The following PCDH15 variants were observed in gnomAD, a reference collection of about 807,000 sequenced individuals.
PCDH15 encodes protocadherin-15.
A neutral mutation model predicts 178.5 loss-of-function variants in PCDH15; 129 were observed. That is an observed-to-expected ratio of 0.72 (90% confidence interval 0.63 to 0.84). The LOEUF is 0.84. Among genes scored for constraint, PCDH15 ranks in the 40% least tolerant of loss-of-function variants. PCDH15 has a pLI of 0.00. For missense variants in PCDH15, 2,230 were observed against 2,099.9 expected (o/e 1.06, Z -1.21); for synonymous variants, 800 against 732.0 (o/e 1.09, Z -1.50).
chr10:53,931,824 T>C (rs2085088549), intron 25 of PCDH15, among the ~76,000 whole-genome samples: 1 of 152,202 alleles, frequency 6.6e-6, no homozygotes, highest in South Asian at 2.1e-4. Flanking sequence ...AGGTAAAATG[T>C]CCTTCCCCAG....
At chr10:54,962,087 G>A (rs143726303) in intron 2 of PCDH15, among the ~76,000 whole-genome samples, 1 of 152,244 alleles carries the variant, frequency 6.6e-6, no homozygotes, top group African/African-American at 2.4e-5. Flanking sequence ...CTTCCTGGAT[G>A]TGGGACAAGA....
intron 1 of PCDH15, among the ~76,000 whole-genome samples, chr10:54,696,272 T>C (rs1464700811): frequency 1.3e-5 from 2 of 152,058 alleles, no homozygotes; most frequent in Middle Eastern, 3.2e-3. Context: ...CCTACAGATG[T>C]GGTAGAAATT....
intron 2 of PCDH15, among the ~76,000 whole-genome samples, chr10:55,607,742 C>A (rs1437133570): frequency 9.1e-6 from 1 of 110,396 alleles, no homozygotes; most frequent in Non-Finnish European, 1.7e-5. Context: ...ACTCTGGGGA[C>A]TGTTGTGGGG....
intron 2 of PCDH15, among the ~76,000 whole-genome samples, chr10:55,532,525 T>G (rs1841477296): frequency 6.6e-6 from 1 of 152,082 alleles, no homozygotes; most frequent in South Asian, 2.1e-4. Flanking sequence ...TTGTTGAACT[T>G]AGAAACTAGT....
chr10:54,514,562 C>A (rs142779882), intron 3 of PCDH15, among the ~76,000 whole-genome samples: 2 of 142,480 alleles, frequency 1.4e-5, no homozygotes, highest in Non-Finnish European at 3.0e-5. Context: ...AAAGTATGAA[C>A]AAGTATGAAT....
chr10:54,728,508 ATTC>A (rs1220461481), intron 1 of PCDH15, among the ~76,000 whole-genome samples: 3 of 151,376 alleles, frequency 2.0e-5, no homozygotes, highest in Non-Finnish European at 4.4e-5. Flanking sequence ...TGCTGGAAGA[ATTC>A]TTCTTGAGAA....
rs1324465000 is a variant in PCDH15 at position 54,637,816 on chromosome 10, A to G, written c.91+26356T>C. The stretch of plus-strand genomic sequence containing the variant: ...TTATCCAGTGTTTTTAATGAGCTCA[A>G]TAAATATGGTATTTATCAATCTGAA... On this transcript the variant is annotated intron_variant, in intron 2 of 37. Transcript: ENST00000644397. Among the ~76,000 whole-genome samples, 4 of 152,056 alleles carry G rather than the reference A, an allele frequency of 2.6e-5. No homozygotes were observed. The South Asian group carries it at 6.2e-4, about 24-fold the overall frequency.
At chr10:54,071,911 ATG>A (rs2094250825) in intron 17 of PCDH15, among the ~76,000 whole-genome samples, 1 of 152,146 alleles carries the variant, frequency 6.6e-6, no homozygotes, top group African/African-American at 2.4e-5. Context: ...TTATTAAGAA[ATG>A]TGTCTAACGT....
chr10:53,839,126 C>G (rs2077484663), intron 29 of PCDH15, among the ~76,000 whole-genome samples: 1 of 147,514 alleles, frequency 6.8e-6, no homozygotes. Context: ...ATGGCGTGAA[C>G]CCGGGAGGTG....
intron 6 of PCDH15, among the ~76,000 whole-genome samples, chr10:54,345,025 G>C (rs941314718): frequency 2.0e-5 from 3 of 147,496 alleles, no homozygotes; most frequent in African/African-American, 7.5e-5. Flanking sequence ...TTTTAACACA[G>C]CCAGTACAAG....
intron 8 of PCDH15, among the ~76,000 whole-genome samples, chr10:54,263,583 A>G (rs920749800): frequency 6.6e-6 from 1 of 152,164 alleles, no homozygotes; most frequent in Non-Finnish European, 1.5e-5. Context: ...ATAAAAATAC[A>G]TTGCTAAAAC....
intron 2 of PCDH15, among the ~76,000 whole-genome samples, chr10:55,408,768 C>T (rs891500076): frequency 6.6e-6 from 1 of 152,024 alleles, no homozygotes; most frequent in Non-Finnish European, 1.5e-5. Context: ...CGTCTAGTCT[C>T]ATTCCCTCTT....
At chr10:54,071,092 T>C (rs2094233335) in intron 17 of PCDH15, among the ~76,000 whole-genome samples, 1 of 152,150 alleles carries the variant, frequency 6.6e-6, no homozygotes, top group Admixed American at 6.6e-5. Context: ...GGCAAAATAA[T>C]TAACTAATTT....
chr10:54,624,605 TG>T (rs1238053203), intron 2 of PCDH15, among the ~76,000 whole-genome samples: 1 of 152,198 alleles, frequency 6.6e-6, no homozygotes, highest in East Asian at 1.9e-4. Context: ...TGGACCAGTA[TG>T]GGTCTGTGGC....
chr10:54,715,460 T>G (rs1220353039), intron 1 of PCDH15, among the ~76,000 whole-genome samples: 1 of 152,128 alleles, frequency 6.6e-6, no homozygotes, highest in Non-Finnish European at 1.5e-5. Context: ...AGATTGACAC[T>G]GTGAGCTTTA....
Position 54,153,118 on chromosome 10 carries a change from G to T in PCDH15, c.1766C>A (p.Ala589Asp). Residue 589 changes from alanine to aspartate, a missense_variant, in exon 14 of 38, where the codon GCT (alanine) becomes GAT (aspartate). Transcript: ENST00000644397. ...AAATTACCTTCGCTCTGCAGGAGGAGCATTATCCGCTGCTTGGACCGTGAG... is the reference window on the plus strand; with the variant it reads ...AAATTACCTTCGCTCTGCAGGAGGATCATTATCCGCTGCTTGGACCGTGAG... Reference protein sequence around the residue: ...YALTVQAADNAPPAERRNSIC... With the variant: ...YALTVQAADNDPPAERRNSIC... 1 of 1,613,830 alleles carries T rather than the reference G, an allele frequency of 6.2e-7. No homozygotes were observed. Among genetic ancestry groups the T allele is most frequent in the Non-Finnish European group, 8.5e-7 (1 of 1,179,834 alleles).
At chr10:55,581,308 A>G (rs997278458) in intron 2 of PCDH15, among the ~76,000 whole-genome samples, 1 of 152,080 alleles carries the variant, frequency 6.6e-6, no homozygotes, top group Non-Finnish European at 1.5e-5. Context: ...AATAAAATAT[A>G]TAACAGAAAA....
intron 8 of PCDH15, among the ~76,000 whole-genome samples, chr10:54,245,485 A>G (rs904804531): frequency 6.6e-6 from 1 of 152,184 alleles, no homozygotes; most frequent in Non-Finnish European, 1.5e-5. Context: ...AGATTGCCAG[A>G]TAAGTCTTTA....
At chr10:54,730,773 A>T (rs994833480) in intron 1 of PCDH15, among the ~76,000 whole-genome samples, 1 of 151,506 alleles carries the variant, frequency 6.6e-6, no homozygotes, top group Non-Finnish European at 1.5e-5. Flanking sequence ...ATAAAGACTT[A>T]AATTTAAACC....
Sources: gnomAD v4.1 joint callset for allele counts (sites outside exome capture counted in the v4.1 genomes callset) on GRCh38, gnomAD v4.1.1 for gene constraint, MANE v1.5 for transcripts, NCBI Gene and HGNC (gene_info 2026-07-23, HGNC 2026-07-21) for gene names.